Variants in SLC24A3 observed in about 807,000 individuals in gnomAD.
The protein encoded by SLC24A3 is sodium/potassium/calcium exchanger 3.
SLC24A3 carries 28 observed loss-of-function variants against 75.8 expected under a neutral mutation model. The ratio of observed to expected loss-of-function variants is 0.37; its 90% CI spans 0.27 to 0.51. The LOEUF is 0.51. SLC24A3 is among the 20% of genes least tolerant of loss of function. The probability of loss-of-function intolerance (pLI) is 0.94; values close to 1 mark genes in which losing one functional copy is unlikely to be tolerated. For missense variants in SLC24A3, 663 were observed against 847.8 expected (o/e 0.78, Z 2.71); for synonymous variants, 372 against 334.1 (o/e 1.11, Z -1.24).
chr20:19,297,394 G>C (rs1466827828), intron 2 of SLC24A3, among the ~76,000 whole-genome samples: 1 of 152,142 alleles, frequency 6.6e-6, no homozygotes, highest in African/African-American at 2.4e-5. Context: ...CATCATCCCA[G>C]GAAGTTCTCT....
At chr20:19,537,822 G>A (rs2030426451) in intron 3 of SLC24A3, among the ~76,000 whole-genome samples, 1 of 147,322 alleles carries the variant, frequency 6.8e-6, no homozygotes, top group Non-Finnish European at 1.5e-5. Flanking sequence ...GGTGGGAATT[G>A]AACAATGAGA....
chr20:19,653,562 A>T (rs958994099), intron 6 of SLC24A3, among the ~76,000 whole-genome samples: 2 of 152,184 alleles, frequency 1.3e-5, no homozygotes, highest in Admixed American at 6.5e-5. Flanking sequence ...GCTGTAGCAG[A>T]CGCTAGACTC....
At chr20:19,361,258 C>T (rs1221134269) in intron 2 of SLC24A3, among the ~76,000 whole-genome samples, 1 of 152,216 alleles carries the variant, frequency 6.6e-6, no homozygotes, top group African/African-American at 2.4e-5. Flanking sequence ...AATGAGGCTG[C>T]TGGATATCTC....
chr20:19,698,766 G>A (rs897169168), intron 15 of SLC24A3, 86 bp downstream of exon 15: 45 of 953,508 alleles, frequency 4.7e-5, no homozygotes, highest in African/African-American at 2.5e-4. Flanking sequence ...TCTTTGTCTC[G>A]GGGAAAAAGG....
chr20:19,545,477 A>G (rs2030573422), intron 3 of SLC24A3, among the ~76,000 whole-genome samples: 1 of 151,766 alleles, frequency 6.6e-6, no homozygotes, highest in Non-Finnish European at 1.5e-5. Flanking sequence ...TTTTTTTCGG[A>G]CTCTTGCTCC....
chr20:19,540,453 G>A (rs2030475764), intron 3 of SLC24A3, among the ~76,000 whole-genome samples: 1 of 152,184 alleles, frequency 6.6e-6, no homozygotes, highest in Non-Finnish European at 1.5e-5. Flanking sequence ...TTTTTTAAAT[G>A]CAAACTAATT....
intron 2 of SLC24A3, among the ~76,000 whole-genome samples, chr20:19,490,358 T>C (rs1271785732): frequency 1.3e-5 from 2 of 152,158 alleles, no homozygotes; most frequent in African/African-American, 4.8e-5. Flanking sequence ...TCTCCTGCCA[T>C]ATACTTCATC....
intron 1 of SLC24A3, among the ~76,000 whole-genome samples, chr20:19,244,999 G>A (rs958289662): frequency 2.0e-5 from 3 of 152,186 alleles, no homozygotes; most frequent in Non-Finnish European, 2.9e-5. Context: ...GTGAAAGTGG[G>A]TTGGGGAATT....
rs774185082 is a variant in SLC24A3, at chr20:19,654,181, G to A, written c.687+45G>A. On this transcript the variant is annotated intron_variant, in intron 7 of 16. Transcript: ENST00000328041. ...TCAGCTCCCATCAGTGCTCTTTTAA[G>A]CACCAGGGGTGGTGTGAGGCTCCTC... is the stretch of plus-strand genomic sequence containing the variant. The A allele has an allele frequency of 2.5e-6, 4 of 1,579,228 alleles. No individual in the cohort carries two copies. In the African/African-American group the frequency reaches 5.4e-5, roughly 21 times the overall value.
In SLC24A3 at chr20:19,702,154, C is replaced by G. The variant is rs1238159939; in HGVS notation, c.1719+3474C>G. 2.0e-5 allele frequency among the ~76,000 whole-genome samples: 3 copies of G among 152,184 alleles called. 1 individual carries two copies. The highest frequency in any genetic ancestry group is 4.4e-5 in the Non-Finnish European group (3 of 68,044). ...GATTCAGCACACCATAAATCATTCT[C>G]CTAATGATCTCTCCTCCTTTCCTCC... On this transcript the variant is annotated intron_variant, in intron 15 of 16. Coordinates refer to ENST00000328041, the MANE Select transcript of SLC24A3 (RefSeq NM_020689.4).
chr20:19,252,932 G>A (rs867674311), intron 1 of SLC24A3, among the ~76,000 whole-genome samples: 3 of 152,204 alleles, frequency 2.0e-5, no homozygotes, highest in Non-Finnish European at 4.4e-5. Context: ...TCATGGTACA[G>A]CTTTGGGTGC....
intron 15 of SLC24A3, 144 bp from the exon 16 acceptor site, chr20:19,717,384 G>A (rs1568709823): frequency 2.7e-6 from 2 of 733,838 alleles, no homozygotes; most frequent in Non-Finnish European, 4.7e-6. Context: ...GGAGCTGGCT[G>A]CTGAAGCTGT....
At chr20:19,363,123 G>C (rs530982449) in intron 2 of SLC24A3, among the ~76,000 whole-genome samples, 6 of 152,164 alleles carry the variant, frequency 3.9e-5, no homozygotes, top group African/African-American at 1.4e-4. Flanking sequence ...CCTGCTGCTC[G>C]TCACTCCATC....
intron 6 of SLC24A3, among the ~76,000 whole-genome samples, chr20:19,588,901 G>A (rs76939107): frequency 0.043 from 6,483 of 152,264 alleles, 150 homozygotes; most frequent in East Asian, 0.094. Flanking sequence ...ATTACAGGCC[G>A]GCAGATGGCT....
chr20:19,303,767 G>A (rs1290807452), intron 2 of SLC24A3, among the ~76,000 whole-genome samples: 1 of 152,178 alleles, frequency 6.6e-6, no homozygotes, highest in Non-Finnish European at 1.5e-5. Context: ...CCAAGGATGA[G>A]AAAAAACTCA....
chr20:19,280,156 C>T lies in SLC24A3; in HGVS notation c.143-803C>T, dbSNP rs551987312. On this transcript the variant is annotated intron_variant, in intron 1 of 16. Transcript: ENST00000328041. ...CATGCCCCAAACAGAATGCACTGCA[C>T]TGGCCCCTTCAGTGTGCTCTTTAGC... Among the ~76,000 whole-genome samples, 3 of 152,344 alleles carry T rather than the reference C, an allele frequency of 2.0e-5. No homozygotes were observed. In the South Asian group the frequency reaches 6.2e-4, roughly 32 times the overall value.
chr20:19,330,509 G>A (rs1448391754), intron 2 of SLC24A3, among the ~76,000 whole-genome samples: 1 of 152,184 alleles, frequency 6.6e-6, no homozygotes, highest in African/African-American at 2.4e-5. Flanking sequence ...TTTCAGGAGA[G>A]GAGATAAAAT....
intron 2 of SLC24A3, among the ~76,000 whole-genome samples, chr20:19,479,008 T>A (rs1208356780): frequency 6.6e-6 from 1 of 152,214 alleles, no homozygotes; most frequent in Non-Finnish European, 1.5e-5. Context: ...TCTTTCCTCC[T>A]CCACAGAAAG....
chr20:19,528,979 T>C (rs1326677507), intron 3 of SLC24A3, among the ~76,000 whole-genome samples: 1 of 152,138 alleles, frequency 6.6e-6, no homozygotes, highest in Non-Finnish European at 1.5e-5. Context: ...TTTTAGAGGA[T>C]CAAACCTGGA....
Sources: gnomAD v4.1 joint callset for allele counts (sites outside exome capture counted in the v4.1 genomes callset) on GRCh38, gnomAD v4.1.1 for gene constraint, MANE v1.5 for transcripts, NCBI Gene and HGNC (gene_info 2026-07-23, HGNC 2026-07-21) for gene names.